The following TRIO variants were observed in gnomAD, a reference collection of about 807,000 sequenced individuals.
The protein encoded by TRIO is triple functional domain protein.
TRIO carries 58 observed loss-of-function variants against 351.9 expected under a neutral mutation model. The ratio of observed to expected loss-of-function variants is 0.16; its 90% CI spans 0.13 to 0.21. The LOEUF (loss-of-function observed/expected upper bound fraction) is 0.21. Ranked by LOEUF, TRIO falls within the 10% of genes least tolerant of loss-of-function variation. The probability of loss-of-function intolerance (pLI) is 1.00; values close to 1 mark genes in which losing one functional copy is unlikely to be tolerated. For missense variants in TRIO, 3,201 were observed against 4,027.8 expected, an observed-to-expected ratio of 0.79 and a Z score of 5.56; for synonymous variants, 1,758 against 1,595.7, an observed-to-expected ratio of 1.10 and a Z score of -2.42.
At chr5:14,247,090 C>G (rs561654059) in intron 1 of TRIO, among the ~76,000 whole-genome samples, 1 of 152,384 alleles carries the variant, frequency 6.6e-6, no homozygotes, top group Non-Finnish European at 1.5e-5. Flanking sequence ...CCCCACAGCT[C>G]AGCCCGCTGA....
At chr5:14,275,787 G>T (rs2152273042) in intron 2 of TRIO, among the ~76,000 whole-genome samples, 2 of 149,566 alleles carry the variant, frequency 1.3e-5, no homozygotes, top group South Asian at 4.2e-4. Flanking sequence ...TTACAGTTGT[G>T]TATTACTCTG....
Position 14,505,585 on chromosome 5 carries a change from A to G in TRIO, c.8612+992A>G, listed in dbSNP as rs1359712195. 3.3e-5 allele frequency among the ~76,000 whole-genome samples: 5 copies of G among 152,204 alleles called. No homozygotes were observed. In the East Asian group the frequency reaches 9.6e-4, roughly 29 times the overall value. ...CCCCTCGCCGGCAGGAACTCCCTCC[A>G]GGCCCTGTACCTGATGTTGTAGTTA... On this transcript the variant is annotated intron_variant, in intron 55 of 56. Coordinates refer to ENST00000344204, the MANE Select transcript of TRIO (RefSeq NM_007118.4).
intron 34 of TRIO, among the ~76,000 whole-genome samples, chr5:14,448,156 T>A (rs912109038): frequency 3.3e-5 from 5 of 152,246 alleles, no homozygotes; most frequent in Non-Finnish European, 5.9e-5. Flanking sequence ...TTTCTTTGTA[T>A]GAGTAATACG....
chr5:14,414,838 C>T (rs1157106634), intron 33 of TRIO, among the ~76,000 whole-genome samples: 1 of 152,158 alleles, frequency 6.6e-6, no homozygotes, highest in Non-Finnish European at 1.5e-5. Flanking sequence ...CTGTTGTTCA[C>T]GTTAGAACAG....
intron 34 of TRIO, among the ~76,000 whole-genome samples, chr5:14,457,106 C>T (rs963999652): frequency 6.6e-6 from 1 of 152,042 alleles, no homozygotes; most frequent in Non-Finnish European, 1.5e-5. Context: ...TCATTATTGT[C>T]CCTCTACATT....
chr5:14,252,828 A>G (rs1794820548), intron 1 of TRIO, among the ~76,000 whole-genome samples: 1 of 152,054 alleles, frequency 6.6e-6, no homozygotes, highest in Non-Finnish European at 1.5e-5. Flanking sequence ...CCTAGGTGCC[A>G]TTCATTGAGG....
chr5:14,396,994 G>T (rs1163746939), intron 28 of TRIO, 49 bp from the exon 29 acceptor site: 1 of 1,513,080 alleles, frequency 6.6e-7, no homozygotes, highest in Non-Finnish European at 9.0e-7. Flanking sequence ...GGTCTTATTG[G>T]CAGAGCATTC....
intron 13 of TRIO, among the ~76,000 whole-genome samples, chr5:14,361,572 C>T (rs540570001): frequency 3.9e-5 from 6 of 152,336 alleles, no homozygotes; most frequent in Non-Finnish European, 7.3e-5. Flanking sequence ...TCTGACGGCC[C>T]ATAGGAGTAT....
intron 1 of TRIO, among the ~76,000 whole-genome samples, chr5:14,175,318 A>G (rs186833343): frequency 6.6e-6 from 1 of 152,326 alleles, no homozygotes; most frequent in African/African-American, 2.4e-5. Context: ...CAGGATTCAA[A>G]TGCTTTCTAA....
At chr5:14,326,325 A>G (rs1370744360) in intron 9 of TRIO, among the ~76,000 whole-genome samples, 1 of 152,216 alleles carries the variant, frequency 6.6e-6, no homozygotes, top group Non-Finnish European at 1.5e-5. Context: ...TTTCCTTTTC[A>G]TTACAAACAG....
In TRIO at chr5:14,360,349, A is replaced by G. The variant is rs192330158; in HGVS notation, c.2391+818A>G. 5.3e-5 allele frequency among the ~76,000 whole-genome samples: 8 copies of G among 152,250 alleles called. No homozygotes were observed. In the East Asian group the frequency reaches 1.4e-3, roughly 26 times the overall value. On this transcript the variant is annotated intron_variant, in intron 13 of 56. Transcript: ENST00000344204. The stretch of plus-strand genomic sequence containing the variant: ...TGCGAGCAGAAGTCAGTCCAATCAC[A>G]TGAGCACGAATTTACCTGGGAACGT...
chr5:14,240,357 G>T (rs1333930775), intron 1 of TRIO, among the ~76,000 whole-genome samples: 3 of 152,150 alleles, frequency 2.0e-5, no homozygotes, highest in Admixed American at 1.3e-4. Flanking sequence ...AGGAAGAAAA[G>T]GGGGTTCTCA....
At chr5:14,360,834 T>C (rs1424964125) in intron 13 of TRIO, among the ~76,000 whole-genome samples, 1 of 152,250 alleles carries the variant, frequency 6.6e-6, no homozygotes, top group Non-Finnish European at 1.5e-5. Context: ...TTGGCTCTGC[T>C]CATTCTCATC....
At chr5:14,197,081 G>C (rs1790822248) in intron 1 of TRIO, among the ~76,000 whole-genome samples, 1 of 152,170 alleles carries the variant, frequency 6.6e-6, no homozygotes, top group African/African-American at 2.4e-5. Context: ...TGATAAATTT[G>C]TGCTGTTTAA....
At chr5:14,357,798 A>T (rs1338673389) in intron 11 of TRIO, among the ~76,000 whole-genome samples, 2 of 152,232 alleles carry the variant, frequency 1.3e-5, no homozygotes, top group Non-Finnish European at 2.9e-5. Context: ...AGCCCGAGAC[A>T]TATCAGCAGA....
intron 7 of TRIO, among the ~76,000 whole-genome samples, chr5:14,303,305 CGGG>C (rs1738073408): frequency 8.1e-6 from 1 of 123,926 alleles, no homozygotes; most frequent in African/African-American, 3.2e-5. Context: ...GAGATTGAGC[CGGG>C]ATTGGGATGG....
intron 1 of TRIO, among the ~76,000 whole-genome samples, chr5:14,172,987 C>T (rs906368785): frequency 6.6e-6 from 1 of 152,130 alleles, no homozygotes; most frequent in Non-Finnish European, 1.5e-5. Flanking sequence ...AATGGGGTGG[C>T]CCACCCACCA....
rs568596502 is a variant in TRIO at position 14,443,847 on chromosome 5, C to T, written c.5204-17172C>T. ...AAGAACTGTAAATCTTCTTTTATGA[C>T]GTTTCCAATGGGAGAGCCTAGTTCT... On this transcript the variant is annotated intron_variant, in intron 34 of 56. Coordinates refer to ENST00000344204, the MANE Select transcript of TRIO (RefSeq NM_007118.4). Among the ~76,000 whole-genome samples the T allele has an allele frequency of 5.9e-5, 9 of 152,316 alleles. No homozygotes were observed. The East Asian group carries it at 9.6e-4, about 16-fold the overall frequency.
intron 34 of TRIO, among the ~76,000 whole-genome samples, chr5:14,447,797 T>A (rs1435962167): frequency 1.3e-5 from 2 of 152,268 alleles, no homozygotes; most frequent in African/African-American, 2.4e-5. Context: ...TAACACTCTG[T>A]GTTTAATGTC....
Sources: allele counts gnomAD v4.1 joint callset (sites outside exome capture counted in the v4.1 genomes callset), GRCh38; gene constraint gnomAD v4.1.1; transcripts MANE v1.5; gene names NCBI Gene and HGNC (gene_info 2026-07-23, HGNC 2026-07-21).